The following RABGAP1L variants were observed in gnomAD, a reference collection of about 807,000 sequenced individuals.
The protein encoded by RABGAP1L is RAB GTPase activating protein 1 like, also known as rab GTPase-activating protein 1-like.
A neutral mutation model predicts 137.7 loss-of-function variants in RABGAP1L; 63 were observed. That is an observed-to-expected ratio of 0.46 (90% CI 0.37 to 0.56). The LOEUF (loss-of-function observed/expected upper bound fraction) is 0.56, where lower values mean the gene tolerates loss of function less well. RABGAP1L is among the 20% of genes least tolerant of loss of function. The pLI is 0.00. For missense variants in RABGAP1L, 1,095 were observed against 1,244.0 expected (o/e 0.88, Z 1.80); for synonymous variants, 431 against 433.7 (o/e 0.99, Z 0.08).
At chr1:174,269,702 T>C (rs1184667569) in intron 7 of RABGAP1L, among the ~76,000 whole-genome samples, 3 of 152,200 alleles carry the variant, frequency 2.0e-5, no homozygotes, top group African/African-American at 7.2e-5. Flanking sequence ...ATTCACTATA[T>C]TATAAATTAT....
intron 13 of RABGAP1L, among the ~76,000 whole-genome samples, chr1:174,408,400 T>A (rs1406818396): frequency 6.6e-6 from 1 of 152,220 alleles, no homozygotes; most frequent in Admixed American, 6.5e-5. Context: ...ATGATTTCAT[T>A]CTTTTCTGTG....
chr1:174,615,659 T>A (rs1355170361), intron 13 of RABGAP1L, among the ~76,000 whole-genome samples: 1 of 152,242 alleles, frequency 6.6e-6, no homozygotes, highest in Non-Finnish European at 1.5e-5. Context: ...TCTTGTTGTT[T>A]GTGTGTGCCC....
At chr1:174,203,045 A>C (rs1668246585) in intron 1 of RABGAP1L, among the ~76,000 whole-genome samples, 1 of 151,908 alleles carries the variant, frequency 6.6e-6, no homozygotes, top group Non-Finnish European at 1.5e-5. Context: ...CTTTATTGTG[A>C]TTGCTTTGAT....
At chr1:174,734,318 T>G (rs895337201) in intron 17 of RABGAP1L, among the ~76,000 whole-genome samples, 1 of 152,108 alleles carries the variant, frequency 6.6e-6, no homozygotes, top group Admixed American at 6.5e-5. Flanking sequence ...CGACCAGGTA[T>G]GACCATAGGG....
chr1:174,823,883 G>T (rs1363386051), intron 19 of RABGAP1L, among the ~76,000 whole-genome samples: 1 of 152,182 alleles, frequency 6.6e-6, no homozygotes, highest in Admixed American at 6.5e-5. Context: ...AGTGGCTCAT[G>T]CCTGTAATAC....
intron 13 of RABGAP1L, among the ~76,000 whole-genome samples, chr1:174,441,594 C>T (rs533247460): frequency 1.1e-4 from 17 of 151,924 alleles, no homozygotes; most frequent in African/African-American, 3.6e-4. Flanking sequence ...ATTAGTCAGG[C>T]GTGGTGGTGC....
At chr1:174,782,989 T>G (rs930913787) in intron 18 of RABGAP1L, among the ~76,000 whole-genome samples, 1 of 152,194 alleles carries the variant, frequency 6.6e-6, no homozygotes, top group Admixed American at 6.5e-5. Flanking sequence ...ATGGGAGCTC[T>G]GTTTTCACTC....
intron 4 of RABGAP1L, among the ~76,000 whole-genome samples, 172 bp downstream of exon 4, chr1:174,231,527 T>C (rs1466015702): frequency 6.6e-6 from 1 of 152,178 alleles, no homozygotes; most frequent in Admixed American, 6.6e-5. Context: ...ATTTGAACAA[T>C]TGTATTAGTC....
In RABGAP1L at chr1:174,649,583, G is replaced by T. The variant is rs536749145; in HGVS notation, c.1824+12095G>T. On this transcript the variant is annotated intron_variant, in intron 14 of 25. Transcript: ENST00000681986. ...CAGAGAGATCCGCTGTTAGTCTGAT[G>T]TGCTTCCCTTTGTGGGTAACCCGAC... Among the ~76,000 whole-genome samples, 25 of 152,184 alleles carry T rather than the reference G, an allele frequency of 1.6e-4. No homozygotes were observed. The South Asian group carries it at 3.1e-3, about 19-fold the overall frequency.
intron 13 of RABGAP1L, among the ~76,000 whole-genome samples, chr1:174,610,787 G>A (rs1273062312): frequency 2.6e-5 from 4 of 152,172 alleles, no homozygotes; most frequent in Non-Finnish European, 5.9e-5. Flanking sequence ...GTTTTGATTT[G>A]CATTTCTCTG....
chr1:174,978,329 T>C (rs939043289), intron 22 of RABGAP1L, among the ~76,000 whole-genome samples: 3 of 152,162 alleles, frequency 2.0e-5, no homozygotes, highest in African/African-American at 7.2e-5. Context: ...TCCCCCGTCT[T>C]TTCTAACTCT....
chr1:174,958,377 T>G (rs1014953860), intron 20 of RABGAP1L, among the ~76,000 whole-genome samples: 1 of 152,234 alleles, frequency 6.6e-6, no homozygotes, highest in Non-Finnish European at 1.5e-5. Flanking sequence ...TATTTCCAAC[T>G]TATTTTTTTC....
intron 13 of RABGAP1L, among the ~76,000 whole-genome samples, chr1:174,539,923 T>A (rs1022396272): frequency 2.0e-5 from 3 of 152,232 alleles, no homozygotes; most frequent in African/African-American, 7.2e-5. Flanking sequence ...TATAAAAGTT[T>A]TCCTATTTCT....
chr1:174,351,373 C>G (rs1183291479), intron 11 of RABGAP1L, among the ~76,000 whole-genome samples: 1 of 152,082 alleles, frequency 6.6e-6, no homozygotes. Context: ...TTGATAAAAT[C>G]TCTCTGTTTT....
chr1:174,833,786 A>G (rs1692437793), intron 19 of RABGAP1L, among the ~76,000 whole-genome samples: 2 of 152,038 alleles, frequency 1.3e-5, no homozygotes, highest in Admixed American at 1.3e-4. Context: ...CAAAAATAAT[A>G]TAAAATCGCA....
chr1:174,647,068 A>T (rs1675026537), intron 14 of RABGAP1L, among the ~76,000 whole-genome samples: 1 of 152,116 alleles, frequency 6.6e-6, no homozygotes. Flanking sequence ...GTATCCTGAG[A>T]CTTTGCTGAA....
At chr1:174,577,377 A>C (rs546442097) in intron 13 of RABGAP1L, among the ~76,000 whole-genome samples, 2 of 151,996 alleles carry the variant, frequency 1.3e-5, no homozygotes, top group South Asian at 4.2e-4. Context: ...AAGAATTTCC[A>C]TACATTTTTG....
chr1:174,496,762 AAG>A (rs1247794230), intron 13 of RABGAP1L, among the ~76,000 whole-genome samples: 1 of 152,180 alleles, frequency 6.6e-6, no homozygotes, highest in African/African-American at 2.4e-5. Flanking sequence ...CCCAGGAATG[AAG>A]AGAGAGTAGA....
At chr1:174,701,178 G>A in intron 16 of RABGAP1L, 1 of 1,294,474 alleles carries the variant, frequency 7.7e-7, no homozygotes, top group Non-Finnish European at 1.0e-6. Flanking sequence ...GTACCTTGCT[G>A]TTCATGCTTT....
Sources: allele counts gnomAD v4.1 joint callset (sites outside exome capture counted in the v4.1 genomes callset), GRCh38; gene constraint gnomAD v4.1.1; transcripts MANE v1.5; gene names NCBI Gene and HGNC (gene_info 2026-07-23, HGNC 2026-07-21).